Variants in SLC22A24 observed in about 807,000 individuals in gnomAD.
SLC22A24 encodes steroid transmembrane transporter SLC22A24.
SLC22A24 carries 53 observed loss-of-function variants against 49.8 expected under a neutral mutation model. The observed-to-expected ratio is 1.06, with a 90% confidence interval of 0.85 to 1.34. The LOEUF (loss-of-function observed/expected upper bound fraction) is 1.34, where lower values mean the gene tolerates loss of function less well. Ranked by LOEUF, SLC22A24 falls within the 40% of genes most tolerant of loss-of-function variation. SLC22A24 has a pLI of 0.00. For synonymous variants in SLC22A24, 302 were observed against 256.4 expected (o/e 1.18, Z -1.70); for missense variants, 786 against 675.9 (o/e 1.16, Z -1.81).
In SLC22A24 at chr11:63,081,113, C is replaced by T. The variant is rs142507239; in HGVS notation, c.1405G>A (p.Ala469Thr). The part of the protein sequence containing the change: ...LVPTILRSTV[A>T]GINAVSGRTG... ...CTACCGGACACTGCATTGATTCCTG[C>T]AACTGTTGACCTTAGAGTGCAAATA... Residue 469 changes from alanine to threonine, a missense_variant, in exon 9 of 10, where the codon GCA (alanine) becomes ACA (threonine). Transcript: ENST00000612278. 1 of 1,551,490 alleles carries T rather than the reference C, an allele frequency of 6.4e-7. No individual in the cohort carries two copies. Among genetic ancestry groups the T allele is most frequent in the Admixed American group, 2.0e-5 (1 of 51,002 alleles).
chr11:63,134,928 C>T (rs564531557), intron 1 of SLC22A24, among the ~76,000 whole-genome samples, 160 bp from the exon 2 acceptor site: 3 of 152,188 alleles, frequency 2.0e-5, no homozygotes, highest in Non-Finnish European at 4.4e-5. Context: ...TCTGGTAGCT[C>T]ATATTCTAAA....
chr11:63,115,767 T>C (rs1358126916), intron 4 of SLC22A24: 2 of 167,670 alleles, frequency 1.2e-5, no homozygotes, highest in Non-Finnish European at 2.6e-5. Context: ...ATTTTTTTTT[T>C]CAGGTTTACT....
At chr11:63,083,672 G>T (rs1004441449) in intron 6 of SLC22A24, among the ~76,000 whole-genome samples, 1 of 152,156 alleles carries the variant, frequency 6.6e-6, no homozygotes, top group Non-Finnish European at 1.5e-5. Context: ...TGTGGAACAT[G>T]ATGTTAAAAT....
intron 2 of SLC22A24, among the ~76,000 whole-genome samples, chr11:63,134,130 C>A (rs1216555438): frequency 1.3e-5 from 2 of 152,144 alleles, no homozygotes; most frequent in Non-Finnish European, 2.9e-5. Context: ...TGCCACAGTG[C>A]TGCACAACCA....
chr11:63,099,371 A>ATTTTTTTTCTTTTTT (rs2087076431), intron 5 of SLC22A24, among the ~76,000 whole-genome samples: 1 of 52,320 alleles, frequency 1.9e-5, no homozygotes, highest in African/African-American at 7.4e-5. Flanking sequence ...AATTTTTAAG[A>ATTTTTTTTCTTTTTT]TTTTTTTTTT....
rs187219765 is a variant in SLC22A24, at chr11:63,125,891, C to T, written c.507-6556G>A. Among the ~76,000 whole-genome samples the T allele has an allele frequency of 2.4e-4, 37 of 152,304 alleles. No homozygotes were observed. In the East Asian group the frequency reaches 7.1e-3, roughly 29 times the overall value. On this transcript the variant is annotated intron_variant, in intron 2 of 9. Transcript: ENST00000612278. ...GGTATCTCATTGTGGTTTTGATTTG[C>T]ATTTCTCTGATGACTGGTGATGATG... is the stretch of plus-strand genomic sequence containing the variant.
intron 4 of SLC22A24, among the ~76,000 whole-genome samples, chr11:63,106,446 C>T (rs1337746718): frequency 1.3e-5 from 2 of 151,998 alleles, no homozygotes; most frequent in African/African-American, 4.8e-5. Context: ...GGGTACATAC[C>T]CAGTAATGGG....
intron 4 of SLC22A24, among the ~76,000 whole-genome samples, chr11:63,117,683 A>T (rs561921456): frequency 6.6e-6 from 1 of 152,286 alleles, no homozygotes; most frequent in East Asian, 1.9e-4. Flanking sequence ...TCTCTTCCTT[A>T]CGCTTTTCTT....
At chr11:63,091,220 C>T (rs2087018753) in intron 6 of SLC22A24, among the ~76,000 whole-genome samples, 1 of 152,154 alleles carries the variant, frequency 6.6e-6, no homozygotes, top group Admixed American at 6.5e-5. Flanking sequence ...AGTCAAATCC[C>T]TGAGTAGGAC....
chr11:63,104,354 C>A, intron 4 of SLC22A24, 56 bp from the exon 5 acceptor site: 3 of 1,481,018 alleles, frequency 2.0e-6, no homozygotes, highest in Non-Finnish European at 2.7e-6. Context: ...GGCACTTAAC[C>A]TTTAACATGA....
At chr11:63,130,471 T>A (rs1196012085) in intron 2 of SLC22A24, among the ~76,000 whole-genome samples, 1 of 152,172 alleles carries the variant, frequency 6.6e-6, no homozygotes, top group Non-Finnish European at 1.5e-5. Context: ...TTTGCTATCA[T>A]GATGATGCTG....
At chr11:63,140,854 G>A (rs760765022) in intron 1 of SLC22A24, among the ~76,000 whole-genome samples, 1 of 152,154 alleles carries the variant, frequency 6.6e-6, no homozygotes, top group Non-Finnish European at 1.5e-5. Context: ...TTTAGAGGGG[G>A]TTTTAAAGAC....
At chr11:63,109,722 A>G (rs971298771) in intron 4 of SLC22A24, among the ~76,000 whole-genome samples, 1 of 152,062 alleles carries the variant, frequency 6.6e-6, no homozygotes, top group African/African-American at 2.4e-5. Context: ...AATTTGCTTG[A>G]GTTCATTGTA....
At position 63,095,033 on chromosome 11, in the gene SLC22A24, G is replaced by C. The variant is rs1371585910; in HGVS notation, c.1070+958C>G. On this transcript the variant is annotated intron_variant, in intron 6 of 9. Transcript: ENST00000612278. The stretch of plus-strand genomic sequence containing the variant: ...GGCTTTTGTTGCCATTGCTTTTGGT[G>C]TTTTAGACATGAAGTCCTTGCCCAT... Among the ~76,000 whole-genome samples the C allele has an allele frequency of 3.3e-5, 5 of 152,146 alleles. No homozygotes were observed. The South Asian group carries it at 1.0e-3, about 32-fold the overall frequency.
chr11:63,093,788 C>T (rs1359725453), intron 6 of SLC22A24, among the ~76,000 whole-genome samples: 1 of 151,962 alleles, frequency 6.6e-6, no homozygotes, highest in Non-Finnish European at 1.5e-5. Flanking sequence ...ACCACAAACT[C>T]CTGTGACACG....
chr11:63,093,875 A>C (rs1201458880), intron 6 of SLC22A24, among the ~76,000 whole-genome samples: 6 of 152,104 alleles, frequency 3.9e-5, no homozygotes, highest in Non-Finnish European at 5.9e-5. Flanking sequence ...TGCAAATTAA[A>C]TTTACAATGT....
At chr11:63,142,311 C>T (rs1056145807) in intron 1 of SLC22A24, among the ~76,000 whole-genome samples, 3 of 152,050 alleles carry the variant, frequency 2.0e-5, no homozygotes, top group Non-Finnish European at 2.9e-5. Flanking sequence ...TAGCCTACAT[C>T]TTAAGATTAA....
intron 2 of SLC22A24, among the ~76,000 whole-genome samples, chr11:63,127,878 T>C (rs1206171046): frequency 1.3e-5 from 2 of 152,086 alleles, no homozygotes; most frequent in African/African-American, 4.8e-5. Context: ...GTTTGTCAGA[T>C]GGATAGACTA....
At position 63,079,953 on chromosome 11, in the gene SLC22A24, A is replaced by T; in HGVS notation, c.1646T>A (p.Val549Glu). Reference sequence around the variant, plus strand: ...CTTGGGAATCTCTTAAAACTGTGTTACTTTCATGCAAGTATCTTCCTGCTT... The same window carrying T: ...CTTGGGAATCTCTTAAAACTGTGTTTCTTTCATGCAAGTATCTTCCTGCTT... ...NIKQEDTCMK[V>E]TQF Residue 549 changes from valine (V) to glutamate (E), a missense_variant, in exon 10 of 10, where the codon GTA (valine) becomes GAA (glutamate). Transcript: ENST00000612278. The T allele has an allele frequency of 6.5e-7, 1 of 1,544,954 alleles. No homozygotes were observed. Among genetic ancestry groups the T allele is most frequent in the African/African-American group, 1.4e-5 (1 of 73,056 alleles).
Sources: gnomAD v4.1 joint callset for allele counts (sites outside exome capture counted in the v4.1 genomes callset) on GRCh38, gnomAD v4.1.1 for gene constraint, MANE v1.5 for transcripts, NCBI Gene and HGNC (gene_info 2026-07-23, HGNC 2026-07-21) for gene names.